TIAM2: variants seen among roughly 807,000 people sequenced by gnomAD.
TIAM2 encodes TIAM Rac1 associated GEF 2, also known as rho guanine nucleotide exchange factor TIAM2.
TIAM2 carries 80 observed loss-of-function variants against 152.9 expected under a neutral mutation model. The ratio of observed to expected loss-of-function variants is 0.52; its 90% CI spans 0.44 to 0.63. TIAM2 has a LOEUF of 0.63. Ranked by LOEUF, TIAM2 falls within the 30% of genes least tolerant of loss-of-function variation. The pLI, the probability that TIAM2 is intolerant of heterozygous loss-of-function variation, is 0.00. For missense variants in TIAM2, 1,965 were observed against 2,120.1 expected (o/e 0.93, Z 1.44); for synonymous variants, 804 against 838.0 (o/e 0.96, Z 0.70).
chr6:155,104,379 G>A (rs1778630459), intron 2 of TIAM2, among the ~76,000 whole-genome samples: 1 of 152,072 alleles, frequency 6.6e-6, no homozygotes. Context: ...ACCCCGCCCT[G>A]ACTTAAATGT....
At chr6:155,244,878 C>T (rs982157066) in intron 18 of TIAM2, 95 bp downstream of exon 18, 7 of 1,399,246 alleles carry the variant, frequency 5.0e-6, no homozygotes, top group African/African-American at 4.3e-5. Context: ...ATTTCTTGTC[C>T]TGTGACTATT....
intron 2 of TIAM2, among the ~76,000 whole-genome samples, chr6:155,106,909 G>C (rs987872769): frequency 4.6e-5 from 7 of 152,240 alleles, no homozygotes. Context: ...GCATCATACT[G>C]TTCCACCAAT....
In TIAM2 at chr6:155,137,416, A is replaced by T. The variant is rs968874275; in HGVS notation, c.1434A>T (p.Thr478=). ...MSRTNTENIE[T]STETAESSSE... ...GGACCAACACTGAGAACATAGAAAC[A>T]TCTACAGAAACCGCCGAGTCCAGCA... Residue 478 remains threonine (T), a synonymous_variant, in exon 5 of 27, where the codon ACA becomes ACT. Transcript: ENST00000682666. 2 of 1,614,094 alleles carry T rather than the reference A, an allele frequency of 1.2e-6. No individual in the cohort carries two copies. Among genetic ancestry groups the T allele is most frequent in the Admixed American group, 1.7e-5 (1 of 60,002 alleles).
chr6:155,064,343 A>C (rs1428457157), intron 1 of TIAM2, among the ~76,000 whole-genome samples: 1 of 152,238 alleles, frequency 6.6e-6, no homozygotes, highest in African/African-American at 2.4e-5. Flanking sequence ...GCTCTAGAAC[A>C]TGAAAAATGA....
At chr6:155,028,682 C>A in intron 1 of TIAM2, among the ~76,000 whole-genome samples, 1 of 123,648 alleles carries the variant, frequency 8.1e-6, no homozygotes, top group African/African-American at 3.3e-5. Context: ...TATATATATA[C>A]TACATATAAT....
intron 1 of TIAM2, among the ~76,000 whole-genome samples, chr6:155,046,773 CAGAG>C (rs1439884898): frequency 1.3e-5 from 2 of 152,136 alleles, no homozygotes; most frequent in African/African-American, 4.8e-5. Flanking sequence ...CTCGGGGAGA[CAGAG>C]AGACCTTACT....
intron 1 of TIAM2, among the ~76,000 whole-genome samples, chr6:155,043,683 C>A (rs1777098001): frequency 6.6e-6 from 1 of 150,940 alleles, no homozygotes; most frequent in African/African-American, 2.4e-5. Flanking sequence ...GGATCCAGGC[C>A]CTGCAGTGTT....
At chr6:155,027,512 A>G (rs986015856) in intron 1 of TIAM2, among the ~76,000 whole-genome samples, 1 of 111,556 alleles carries the variant, frequency 9.0e-6, no homozygotes, top group Non-Finnish European at 1.7e-5. Context: ...TATATAATAT[A>G]TATACTGTGT....
chr6:155,250,758 C>T (rs1783605731), intron 21 of TIAM2, 155 bp from the exon 22 acceptor site: 2 of 1,130,690 alleles, frequency 1.8e-6, no homozygotes, highest in South Asian at 3.0e-5. Flanking sequence ...TTTTCAAAAG[C>T]TCCACCGTTT....
chr6:155,239,983 A>G lies in TIAM2; in HGVS notation c.3169-547A>G, dbSNP rs1782952666. 2.6e-5 allele frequency among the ~76,000 whole-genome samples: 4 copies of G among 152,212 alleles called. No homozygotes were observed. The South Asian group carries it at 8.3e-4, about 32-fold the overall frequency. ...TTTCTCACTCATAATTCTACTTGCC[A>G]CAAGACTGTGGAGCTGAGCGGTTAG... is the stretch of plus-strand genomic sequence containing the variant. On this transcript the variant is annotated intron_variant, in intron 15 of 26. Coordinates refer to ENST00000682666, the MANE Select transcript of TIAM2 (RefSeq NM_012454.4).
intron 1 of TIAM2, among the ~76,000 whole-genome samples, chr6:155,029,485 CTATAG>C (rs1330041972): frequency 9.7e-5 from 1 of 10,362 alleles, no homozygotes; most frequent in Non-Finnish European, 1.8e-4. Flanking sequence ...AGTATATATA[CTATAG>C]TATATATTAT....
In TIAM2 at chr6:155,179,035, A is replaced by T. The variant is rs772893410; in HGVS notation, c.2524-4A>T. 6.2e-7 allele frequency: 1 copy of T among 1,607,146 alleles called. No homozygotes were observed. Among genetic ancestry groups the T allele is most frequent in the Non-Finnish European group, 8.5e-7 (1 of 1,176,380 alleles). On this transcript the variant is annotated splice_region_variant and splice_polypyrimidine_tract_variant and intron_variant, in intron 10 of 26. Transcript: ENST00000682666. ...AATCTGAATAACTGTCTTTTTCTTT[A>T]TAGATGAGGCAGTTGGAACCCAGCC...
intron 1 of TIAM2, among the ~76,000 whole-genome samples, chr6:155,046,535 A>G (rs1777180052): frequency 1.3e-5 from 2 of 152,002 alleles, no homozygotes; most frequent in South Asian, 4.1e-4. Context: ...AGGTTTCGCC[A>G]TGTTGGCCAG....
At chr6:155,029,452 ATATTATATATAATATATAC>A (rs1776756750) in intron 1 of TIAM2, among the ~76,000 whole-genome samples, 1 of 47,670 alleles carries the variant, frequency 2.1e-5, no homozygotes, top group Non-Finnish European at 3.6e-5. Flanking sequence ...ACTATAGTAT[ATATTATATATAATATATAC>A]TATAGTATAT....
At chr6:155,057,909 T>C (rs1468820892) in intron 1 of TIAM2, among the ~76,000 whole-genome samples, 1 of 152,192 alleles carries the variant, frequency 6.6e-6, no homozygotes, top group African/African-American at 2.4e-5. Context: ...TCTATAATTC[T>C]ACATGGAGAG....
chr6:155,146,838 C>T (rs1051765813), intron 6 of TIAM2, among the ~76,000 whole-genome samples: 5 of 141,652 alleles, frequency 3.5e-5, no homozygotes, highest in African/African-American at 5.4e-5. Context: ...AGGCTGGTTT[C>T]GAACTCCTGA....
At chr6:155,133,364 C>T (rs895472330) in intron 4 of TIAM2, among the ~76,000 whole-genome samples, 2 of 152,062 alleles carry the variant, frequency 1.3e-5, no homozygotes, top group Admixed American at 6.6e-5. Context: ...ACAACAACAA[C>T]AAAACAGCAA....
chr6:155,064,547 C>T (rs913783335), intron 1 of TIAM2, among the ~76,000 whole-genome samples: 2 of 152,202 alleles, frequency 1.3e-5, no homozygotes, highest in Admixed American at 1.3e-4. Flanking sequence ...CACCCGGCAC[C>T]ACAGGAGGTG....
chr6:155,158,463 C>T (rs773105298), intron 7 of TIAM2, among the ~76,000 whole-genome samples: 18 of 152,176 alleles, frequency 1.2e-4, no homozygotes, highest in Non-Finnish European at 2.5e-4. Context: ...TGAAAACCTT[C>T]TCAGAGTGAG....
Sources: allele counts gnomAD v4.1 joint callset (sites outside exome capture counted in the v4.1 genomes callset), GRCh38; gene constraint gnomAD v4.1.1; transcripts MANE v1.5; gene names NCBI Gene and HGNC (gene_info 2026-07-23, HGNC 2026-07-21).